Variants in RAB18 observed in about 807,000 individuals in gnomAD.
The protein encoded by RAB18 is RAB18, member RAS oncogene family.
Under a neutral mutation model 28.5 loss-of-function variants are expected in RAB18, and 10 were observed. The ratio of observed to expected loss-of-function variants is 0.35; its 90% CI spans 0.22 to 0.60. The LOEUF is 0.60. Among genes scored for constraint, RAB18 ranks in the 20% least tolerant of loss-of-function variants. RAB18 has a pLI of 0.78. For missense variants in RAB18, 188 were observed against 244.2 expected (o/e 0.77, Z 1.53); for synonymous variants, 93 against 86.9 (o/e 1.07, Z -0.39).
intron 1 of RAB18, among the ~76,000 whole-genome samples, chr10:27,509,172 G>A (rs1176500878): frequency 2.0e-5 from 3 of 152,060 alleles, no homozygotes; most frequent in Non-Finnish European, 4.4e-5. Flanking sequence ...AACCATGGCG[G>A]TTGTCTTCCA....
chr10:27,517,160 C>G (rs897556662), intron 2 of RAB18, among the ~76,000 whole-genome samples: 12 of 152,084 alleles, frequency 7.9e-5, no homozygotes, highest in Non-Finnish European at 1.5e-4. Flanking sequence ...TTCAGGAGTT[C>G]AAGAACAGCC....
intron 6 of RAB18, among the ~76,000 whole-genome samples, chr10:27,537,209 A>T (rs2132414202): frequency 6.6e-6 from 1 of 152,326 alleles, no homozygotes; most frequent in African/African-American, 2.4e-5. Flanking sequence ...TATTAGTGGG[A>T]TGATCAGGCA....
rs1358748068 is a variant in RAB18 at position 27,540,167 on chromosome 10, T to C, written c.*2116T>C. ...AAACTATTCAATTTCTGAGTAATAGTTAATATTTATTGAAAGCTTCCTTGG... is the reference window on the plus strand; with the variant it reads ...AAACTATTCAATTTCTGAGTAATAGCTAATATTTATTGAAAGCTTCCTTGG... On this transcript the variant is annotated 3_prime_UTR_variant, in exon 7 of 7. Coordinates refer to ENST00000356940, the MANE Select transcript of RAB18 (RefSeq NM_021252.5). 1 of 453,956 alleles carries C rather than the reference T, an allele frequency of 2.2e-6. No individual in the cohort carries two copies. Among genetic ancestry groups the C allele is most frequent in the Non-Finnish European group, 4.4e-6 (1 of 226,764 alleles). The allele number at this position is 453,956 out of a possible 1,614,324, so 28.1% of individuals were successfully genotyped here. A position where few individuals can be genotyped will look rare whatever the true frequency, so the allele number is the denominator to read the frequency against.
At chr10:27,531,980 A>G (rs890055342) in intron 3 of RAB18, among the ~76,000 whole-genome samples, 7 of 152,154 alleles carry the variant, frequency 4.6e-5, no homozygotes, top group African/African-American at 1.2e-4. Context: ...GCTTGGTTAT[A>G]TGCATTTTCT....
chr10:27,532,989 CTA>C, intron 4 of RAB18, among the ~76,000 whole-genome samples: 1 of 152,126 alleles, frequency 6.6e-6, no homozygotes, highest in Middle Eastern at 3.4e-3. Context: ...GCACTTAACA[CTA>C]TTGATTTATA....
chr10:27,517,824 T>C (rs1187965186), intron 2 of RAB18, among the ~76,000 whole-genome samples: 3 of 152,220 alleles, frequency 2.0e-5, no homozygotes, highest in Non-Finnish European at 4.4e-5. Context: ...TCCCCAGAGC[T>C]ACCTGGTGCT....
chr10:27,530,374 A>G (rs1348439438), intron 3 of RAB18, among the ~76,000 whole-genome samples: 2 of 151,530 alleles, frequency 1.3e-5, no homozygotes, highest in African/African-American at 2.4e-5. Flanking sequence ...TCAGTAATTC[A>G]CTGTTCCAAA....
At chr10:27,521,359 A>G (rs1446651447) in intron 2 of RAB18, among the ~76,000 whole-genome samples, 3 of 152,184 alleles carry the variant, frequency 2.0e-5, no homozygotes, top group African/African-American at 7.2e-5. Flanking sequence ...GTGGTGTATT[A>G]AAATCTCCGA....
chr10:27,515,076 C>T (rs1332790378), intron 2 of RAB18, among the ~76,000 whole-genome samples: 2 of 152,084 alleles, frequency 1.3e-5, no homozygotes, highest in Non-Finnish European at 2.9e-5. Context: ...GCAAAAATAT[C>T]TCGACCAGTT....
chr10:27,515,247 G>A (rs1048048238), intron 2 of RAB18, among the ~76,000 whole-genome samples: 12 of 152,200 alleles, frequency 7.9e-5, no homozygotes, highest in African/African-American at 2.6e-4. Flanking sequence ...AGATCCTGTA[G>A]AAATTAGTTA....
At chr10:27,511,335 T>G (rs1386957256) in intron 2 of RAB18, among the ~76,000 whole-genome samples, 1 of 152,104 alleles carries the variant, frequency 6.6e-6, no homozygotes, top group Non-Finnish European at 1.5e-5. Flanking sequence ...CCCAAGTAGC[T>G]GGGACTACAG....
chr10:27,511,711 T>G (rs1834326974), intron 2 of RAB18, among the ~76,000 whole-genome samples: 1 of 152,194 alleles, frequency 6.6e-6, no homozygotes, highest in Non-Finnish European at 1.5e-5. Context: ...GTGAAGTTAT[T>G]ATTTTTCCCT....
intron 2 of RAB18, among the ~76,000 whole-genome samples, chr10:27,512,189 T>C (rs537339341): frequency 1.3e-5 from 2 of 152,226 alleles, no homozygotes; most frequent in Admixed American, 6.5e-5. Context: ...TTGCATGATA[T>C]TAAGATTTAC....
At chr10:27,528,363 G>C (rs752280273) in intron 3 of RAB18, 1 of 475,970 alleles carries the variant, frequency 2.1e-6, no homozygotes, top group Non-Finnish European at 4.2e-6. Flanking sequence ...CATTCTAAAA[G>C]GGATAATTGA....
At chr10:27,511,180 A>G (rs987292252) in intron 2 of RAB18, among the ~76,000 whole-genome samples, 1 of 152,112 alleles carries the variant, frequency 6.6e-6, no homozygotes, top group Admixed American at 6.6e-5. Context: ...ATTTCTCTTT[A>G]GCCTCTTTTA....
At chr10:27,523,925 A>G (rs1834620836) in intron 2 of RAB18, among the ~76,000 whole-genome samples, 1 of 151,846 alleles carries the variant, frequency 6.6e-6, no homozygotes, top group Non-Finnish European at 1.5e-5. Context: ...TAAAAATACA[A>G]AAAATTAGCC....
chr10:27,519,724 A>G (rs1834508809), intron 2 of RAB18, among the ~76,000 whole-genome samples: 1 of 152,146 alleles, frequency 6.6e-6, no homozygotes, highest in South Asian at 2.1e-4. Flanking sequence ...ATAAGATTTA[A>G]TATTGCTAAG....
intron 2 of RAB18, among the ~76,000 whole-genome samples, chr10:27,525,143 T>A (rs1296619421): frequency 6.6e-6 from 1 of 152,084 alleles, no homozygotes; most frequent in Non-Finnish European, 1.5e-5. Flanking sequence ...GGAGTTGGGG[T>A]ATGGGAAGAA....
At chr10:27,521,776 A>G (rs1322710302) in intron 2 of RAB18, among the ~76,000 whole-genome samples, 1 of 152,110 alleles carries the variant, frequency 6.6e-6, no homozygotes, top group Non-Finnish European at 1.5e-5. Context: ...GGTGCACCAA[A>G]ATCTCGGAAA....
Sources: allele counts gnomAD v4.1 joint callset (sites outside exome capture counted in the v4.1 genomes callset), GRCh38; gene constraint gnomAD v4.1.1; transcripts MANE v1.5; gene names NCBI Gene and HGNC (gene_info 2026-07-23, HGNC 2026-07-21).